PTPRG: variants seen among roughly 807,000 people sequenced by gnomAD.
PTPRG encodes the protein protein tyrosine phosphatase receptor type G.
A neutral mutation model predicts 165.3 loss-of-function variants in PTPRG; 102 were observed. That is an observed-to-expected ratio of 0.62 (90% confidence interval 0.53 to 0.73). The LOEUF (loss-of-function observed/expected upper bound fraction) is 0.73, where lower values mean the gene tolerates loss of function less well. PTPRG is among the 30% of genes least tolerant of loss of function. The pLI is 0.00. For missense variants in PTPRG, 1,866 were observed against 1,861.4 expected (o/e 1.00, Z -0.05); for synonymous variants, 675 against 669.5 (o/e 1.01, Z -0.13).
intron 2 of PTPRG, among the ~76,000 whole-genome samples, chr3:61,967,666 T>G (rs894694399): frequency 1.3e-5 from 2 of 152,196 alleles, no homozygotes; most frequent in Non-Finnish European, 2.9e-5. Context: ...TCTTCCAAAT[T>G]TAGTGCATGT....
chr3:62,078,192 C>G lies in PTPRG; in HGVS notation c.549C>G (p.Asp183Glu). Residue 183 changes from aspartate to glutamate, a missense_variant, in exon 5 of 30, where the codon GAC (aspartate) becomes GAG (glutamate). Around this residue, in one of 3 missense-constraint regions of PTPRG, gnomAD observed 408 missense variants for 376.2 expected, o/e 1.08. Transcript: ENST00000474889. The stretch of plus-strand genomic sequence containing the variant: ...AGATTTTCTTTTACAATCCAGATGA[C>G]TTTGACAGCTTTCAAACCGCAATTT... ...EMQIFFYNPD[D>E]FDSFQTAISE... The G allele has an allele frequency of 6.2e-7, 1 of 1,607,918 alleles. No homozygotes were observed. The highest frequency in any genetic ancestry group is 8.5e-7 in the Non-Finnish European group (1 of 1,177,152).
intron 5 of PTPRG, among the ~76,000 whole-genome samples, chr3:62,087,759 T>A (rs1298522327): frequency 6.6e-6 from 1 of 152,154 alleles, no homozygotes; most frequent in Non-Finnish European, 1.5e-5. Flanking sequence ...GGGAGAAGTA[T>A]ATATTATTGG....
chr3:62,215,445 G>A (rs968695626), intron 12 of PTPRG, among the ~76,000 whole-genome samples: 1 of 151,210 alleles, frequency 6.6e-6, no homozygotes, highest in Non-Finnish European at 1.5e-5. Context: ...GTCTCTCACT[G>A]ACACTACAAG....
intron 2 of PTPRG, among the ~76,000 whole-genome samples, chr3:61,760,649 G>A (rs982856000): frequency 6.6e-6 from 1 of 152,152 alleles, no homozygotes; most frequent in Admixed American, 6.5e-5. Flanking sequence ...AGGATGTGCA[G>A]GTTTGTTACA....
intron 1 of PTPRG, among the ~76,000 whole-genome samples, chr3:61,672,791 G>A (rs1229836682): frequency 6.7e-6 from 1 of 148,208 alleles, no homozygotes; most frequent in African/African-American, 2.6e-5. Flanking sequence ...GGGAGAGAGA[G>A]GGAGAGAGGG....
intron 2 of PTPRG, among the ~76,000 whole-genome samples, chr3:61,871,324 C>T (rs1190747999): frequency 6.6e-6 from 1 of 152,020 alleles, no homozygotes; most frequent in Non-Finnish European, 1.5e-5. Flanking sequence ...ACCTCCTGGG[C>T]TCAGGTGTTC....
At chr3:61,613,341 G>A (rs1355044738) in intron 1 of PTPRG, among the ~76,000 whole-genome samples, 1 of 152,138 alleles carries the variant, frequency 6.6e-6, no homozygotes, top group Non-Finnish European at 1.5e-5. Context: ...TTTAAGCAAA[G>A]CATCAGGATT....
chr3:61,580,420 C>T, intron 1 of PTPRG, among the ~76,000 whole-genome samples: 1 of 138,978 alleles, frequency 7.2e-6, no homozygotes, highest in South Asian at 2.3e-4. Flanking sequence ...CTTGCTCTGT[C>T]TCCAGGCTGG....
intron 4 of PTPRG, among the ~76,000 whole-genome samples, chr3:62,054,658 T>G (rs1559769808): frequency 6.6e-6 from 1 of 152,234 alleles, no homozygotes; most frequent in Non-Finnish European, 1.5e-5. Context: ...TTTGGGACAT[T>G]TGAATTCTTC....
intron 2 of PTPRG, among the ~76,000 whole-genome samples, chr3:61,848,767 CAT>C (rs1459954219): frequency 1.3e-5 from 2 of 152,312 alleles, no homozygotes; most frequent in African/African-American, 2.4e-5. Flanking sequence ...CACCCACACA[CAT>C]GTATACATGT....
chr3:62,241,134 C>A (rs746194491), intron 14 of PTPRG, among the ~76,000 whole-genome samples: 1 of 151,924 alleles, frequency 6.6e-6, no homozygotes, highest in Non-Finnish European at 1.5e-5. Flanking sequence ...ATTTGTCTTG[C>A]CTAATTTTTC....
rs888937715 is a variant in PTPRG, at chr3:61,632,594, G to A, written c.85+70222G>A. On this transcript the variant is annotated intron_variant, in intron 1 of 29. Transcript: ENST00000474889. ...TAGACACAGCAGCCATTGTCAGTTT[G>A]CAAAGAGCTTTCAAGTACATCATCT... 6.0e-4 allele frequency among the ~76,000 whole-genome samples: 91 copies of A among 152,290 alleles called. 1 individual carries two copies. Among genetic ancestry groups the A allele is most frequent in the African/African-American group, 2.0e-3 (83 of 41,558 alleles).
chr3:61,843,587 G>A (rs1488016605), intron 2 of PTPRG, among the ~76,000 whole-genome samples: 2 of 152,148 alleles, frequency 1.3e-5, no homozygotes, highest in Non-Finnish European at 2.9e-5. Context: ...AATGTTGGCA[G>A]TTCCTAGATT....
Position 62,207,373 on chromosome 3 carries a change from G to C in PTPRG, c.2155+3423G>C, listed in dbSNP as rs1393103654. On this transcript the variant is annotated intron_variant, in intron 12 of 29. Coordinates refer to ENST00000474889, the MANE Select transcript of PTPRG (RefSeq NM_002841.4). ...GATTAGTAAAGGACGTGAGTGACCT[G>C]AAGGTAAAACAAGCAAATCCCACAT... Among the ~76,000 whole-genome samples the C allele has an allele frequency of 3.3e-5, 5 of 152,264 alleles. No homozygotes were observed. The East Asian group carries it at 9.6e-4, about 29-fold the overall frequency.
chr3:61,562,862 G>A (rs943235687), intron 1 of PTPRG, among the ~76,000 whole-genome samples: 1 of 152,186 alleles, frequency 6.6e-6, no homozygotes, highest in South Asian at 2.1e-4. Flanking sequence ...GGGAGGGCTA[G>A]GTTTCGGGGA....
At chr3:62,092,316 T>C (rs1575992714) in intron 5 of PTPRG, among the ~76,000 whole-genome samples, 1 of 151,302 alleles carries the variant, frequency 6.6e-6, no homozygotes, top group South Asian at 2.1e-4. Flanking sequence ...GGTGGGCGCC[T>C]GTAATCCCTG....
chr3:61,953,442 C>T (rs1383268091), intron 2 of PTPRG, among the ~76,000 whole-genome samples: 3 of 152,138 alleles, frequency 2.0e-5, no homozygotes, highest in Admixed American at 6.5e-5. Context: ...TAGGCAGGTC[C>T]CCTAGTATCA....
chr3:61,610,811 C>G lies in PTPRG; in HGVS notation c.85+48439C>G, dbSNP rs566790268. On this transcript the variant is annotated intron_variant, in intron 1 of 29. Transcript: ENST00000474889. ...TCTCTCTCCATCTCTCTTTCTCTAT[C>G]TCTCTCTTTGTTTTTCTTTCTTTCT... 3.2e-3 allele frequency among the ~76,000 whole-genome samples: 420 copies of G among 132,174 alleles called. 1 individual carries two copies. The highest frequency in any genetic ancestry group is 0.01 in the African/African-American group (384 of 36,598). The allele number at this position is 132,174 out of a possible 152,430, so 86.7% of individuals were successfully genotyped here. A position where few individuals can be genotyped will look rare whatever the true frequency, so the allele number is the denominator to read the frequency against.
chr3:61,627,228 T>TC (rs1282378188), intron 1 of PTPRG, among the ~76,000 whole-genome samples: 3 of 152,188 alleles, frequency 2.0e-5, no homozygotes, highest in Non-Finnish European at 4.4e-5. Flanking sequence ...GTCCGTATCT[T>TC]TTAGTGACAG....
Sources: gnomAD v4.1 joint callset for allele counts (sites outside exome capture counted in the v4.1 genomes callset) on GRCh38, gnomAD v4.1.1 for gene constraint, gnomAD v4.1.1 regional missense constraint, MANE v1.5 for transcripts, NCBI Gene and HGNC (gene_info 2026-07-23, HGNC 2026-07-21) for gene names.